Variants in TYR observed in about 807,000 individuals in gnomAD.
TYR encodes the protein tyrosinase.
In TYR, 58 loss-of-function variants were observed where a neutral mutation model predicts 51.5. That is an observed-to-expected ratio of 1.13 (90% CI 0.91 to 1.40). The LOEUF is 1.40. Among genes scored for constraint, TYR ranks in the 40% most tolerant of loss-of-function variants. The pLI is 0.00. For synonymous variants in TYR, 263 were observed against 235.2 expected, an observed-to-expected ratio of 1.12 and a Z score of -1.08; for missense variants, 732 against 647.4, an observed-to-expected ratio of 1.13 and a Z score of -1.42.
intron 3 of TYR, among the ~76,000 whole-genome samples, chr11:89,257,744 C>T (rs773450732): frequency 6.6e-5 from 10 of 152,026 alleles, no homozygotes; most frequent in Non-Finnish European, 1.3e-4. Context: ...TATATTTGCA[C>T]TCAGCCAGCA....
At chr11:89,196,952 AAG>A (rs1443336091) in intron 2 of TYR, among the ~76,000 whole-genome samples, 5 of 152,220 alleles carry the variant, frequency 3.3e-5, no homozygotes, top group Non-Finnish European at 7.3e-5. Context: ...TCTTACTGAA[AAG>A]CTCACCATCA....
intron 3 of TYR, among the ~76,000 whole-genome samples, chr11:89,234,550 T>C (rs1451381746): frequency 1.4e-5 from 2 of 143,006 alleles, no homozygotes; most frequent in East Asian, 4.0e-4. Context: ...GTTTTTTATT[T>C]AAAGTGAGAG....
At chr11:89,291,869 C>T (rs1229095585) in intron 4 of TYR, among the ~76,000 whole-genome samples, 1 of 151,908 alleles carries the variant, frequency 6.6e-6, no homozygotes, top group Non-Finnish European at 1.5e-5. Context: ...TCTCTTACAG[C>T]TTCCCTGTTC....
rs768356119 is a variant in TYR, at chr11:89,209,244, T to C, written c.1036+17826T>C. On this transcript the variant is annotated intron_variant, in intron 2 of 4. Coordinates refer to ENST00000263321, the MANE Select transcript of TYR (RefSeq NM_000372.5). ...ACAGTACACTCTTGCCCAAATACTA[T>C]GTTTTTCCCATGCTCTTTGCAACCA... 2.6e-5 allele frequency among the ~76,000 whole-genome samples: 4 copies of C among 152,300 alleles called. No homozygotes were observed. In the East Asian group the frequency reaches 7.7e-4, roughly 29 times the overall value.
Position 89,178,182 on chromosome 11 carries a change from C to CGGG in TYR, c.230_232dup (p.Arg77_Glu78insGly), listed in dbSNP as rs61753187. 5 of 1,613,960 alleles carry CGGG rather than the reference C, an allele frequency of 3.1e-6. No homozygotes were observed. In the East Asian group the frequency reaches 8.9e-5, roughly 29 times the overall value. On this transcript the variant is annotated inframe_insertion, in exon 1 of 5. Transcript: ENST00000263321. Reference sequence around the variant, plus strand: ...ATTTCCCTTCACAGGGGTGGATGACCGGGAGTCGTGGCCTTCCGTCTTTTA... The same window carrying CGGG: ...ATTTCCCTTCACAGGGGTGGATGACCGGGGGGAGTCGTGGCCTTCCGTCTTTTA...
intron 3 of TYR, among the ~76,000 whole-genome samples, chr11:89,242,091 A>C: frequency 6.6e-6 from 1 of 152,130 alleles, no homozygotes; most frequent in East Asian, 1.9e-4. Flanking sequence ...GGTTGGATAC[A>C]CTTCTGAAGA....
intron 3 of TYR, among the ~76,000 whole-genome samples, chr11:89,253,693 T>C: frequency 7.2e-6 from 1 of 139,320 alleles, no homozygotes; most frequent in East Asian, 2.0e-4. Flanking sequence ...GAAACTTTGC[T>C]GAATTCATTT....
intron 3 of TYR, among the ~76,000 whole-genome samples, chr11:89,256,852 C>T (rs1450640454): frequency 1.3e-5 from 2 of 151,810 alleles, no homozygotes; most frequent in Admixed American, 6.6e-5. Flanking sequence ...ATTCAAACTC[C>T]TGAGTAGGAG....
intron 2 of TYR, among the ~76,000 whole-genome samples, chr11:89,193,524 A>T (rs1000050446): frequency 2.0e-5 from 3 of 152,122 alleles, no homozygotes; most frequent in African/African-American, 7.2e-5. Flanking sequence ...GTGTGTGAGA[A>T]GCAAACAGAT....
At chr11:89,264,991 T>C (rs1299662365) in intron 3 of TYR, among the ~76,000 whole-genome samples, 1 of 152,084 alleles carries the variant, frequency 6.6e-6, no homozygotes, top group Non-Finnish European at 1.5e-5. Context: ...TTAATTCTTT[T>C]AAGCTTTATT....
chr11:89,277,524 A>G (rs1419763660), intron 3 of TYR, among the ~76,000 whole-genome samples: 1 of 151,728 alleles, frequency 6.6e-6, no homozygotes, highest in Non-Finnish European at 1.5e-5. Flanking sequence ...TGTGTTTCCA[A>G]AGTTAATCTT....
intron 3 of TYR, among the ~76,000 whole-genome samples, chr11:89,228,403 G>A (rs1418682727): frequency 6.6e-6 from 1 of 152,136 alleles, no homozygotes; most frequent in Non-Finnish European, 1.5e-5. Context: ...GTCCAGATAG[G>A]CTTTGTGGCC....
intron 2 of TYR, among the ~76,000 whole-genome samples, chr11:89,217,097 C>T (rs558329395): frequency 6.6e-6 from 1 of 152,268 alleles, no homozygotes; most frequent in East Asian, 1.9e-4. Context: ...AGCACTCTTA[C>T]CATAATGTTC....
chr11:89,221,345 C>T (rs1943910443), intron 2 of TYR, among the ~76,000 whole-genome samples: 1 of 152,190 alleles, frequency 6.6e-6, no homozygotes, highest in Non-Finnish European at 1.5e-5. Flanking sequence ...CTTCGTTACT[C>T]TATTCCTCAT....
At chr11:89,188,486 TTG>T (rs944196657) in intron 1 of TYR, among the ~76,000 whole-genome samples, 5 of 152,204 alleles carry the variant, frequency 3.3e-5, no homozygotes, top group African/African-American at 9.6e-5. Flanking sequence ...GTTTAATAAC[TTG>T]TTCTCAATGG....
At chr11:89,228,118 C>A in intron 3 of TYR, 148 bp downstream of exon 3, 1 of 906,098 alleles carries the variant, frequency 1.1e-6, no homozygotes, top group Non-Finnish European at 1.7e-6. Context: ...AGACCTTAGG[C>A]TAAGAATTTG....
At chr11:89,292,840 G>A (rs1288380166) in intron 4 of TYR, among the ~76,000 whole-genome samples, 1 of 152,108 alleles carries the variant, frequency 6.6e-6, no homozygotes, top group East Asian at 1.9e-4. Context: ...ATCTGATTGG[G>A]TTCCTAAAGC....
At chr11:89,258,250 C>A (rs1243013020) in intron 3 of TYR, among the ~76,000 whole-genome samples, 4 of 151,844 alleles carry the variant, frequency 2.6e-5, no homozygotes, top group Admixed American at 2.6e-4. Flanking sequence ...AATTATGACA[C>A]CTGATACCTT....
At chr11:89,206,047 A>C (rs906542767) in intron 2 of TYR, among the ~76,000 whole-genome samples, 4 of 152,168 alleles carry the variant, frequency 2.6e-5, no homozygotes, top group Non-Finnish European at 5.9e-5. Context: ...CTTGATAAAT[A>C]AAAATGGAAT....
Sources: gnomAD v4.1 joint callset for allele counts (sites outside exome capture counted in the v4.1 genomes callset) on GRCh38, gnomAD v4.1.1 for gene constraint, MANE v1.5 for transcripts, NCBI Gene and HGNC (gene_info 2026-07-23, HGNC 2026-07-21) for gene names.